CFAP95: variants seen among roughly 807,000 people sequenced by gnomAD.
The protein encoded by CFAP95 is cilia and flagella associated protein 95, also known as cilia- and flagella-associated protein 95.
At chr9:69,835,912 G>C in the CFAP95 span, among the ~76,000 whole-genome samples, 1 of 152,068 alleles carries the variant, frequency 6.6e-6, no homozygotes, top group Non-Finnish European at 1.5e-5. Context: ...AGAATCCTAC[G>C]ACCTAATCCC....
the CFAP95 span, among the ~76,000 whole-genome samples, chr9:69,832,620 A>ATTTTTTTTTTTTT: frequency 1.1e-3 from 12 of 11,348 alleles, no homozygotes; most frequent in African/African-American, 2.2e-3. Context: ...GTCTATTCGG[A>ATTTTTTTTTTTTT]TTTTTTTTTT....
At chr9:69,838,428 T>G in the CFAP95 span, among the ~76,000 whole-genome samples, 1 of 151,352 alleles carries the variant, frequency 6.6e-6, no homozygotes, top group Admixed American at 6.6e-5. Flanking sequence ...TTTGTAGTTC[T>G]CCTTGAAGAG....
the CFAP95 span, among the ~76,000 whole-genome samples, chr9:69,886,671 T>TG: frequency 1.3e-5 from 2 of 152,160 alleles, no homozygotes; most frequent in Non-Finnish European, 2.9e-5. Context: ...CTGCTGCTGG[T>TG]GGGCAATACT....
At chr9:69,825,697 A>C in the CFAP95 span, among the ~76,000 whole-genome samples, 1 of 152,222 alleles carries the variant, frequency 6.6e-6, no homozygotes, top group African/African-American at 2.4e-5. Flanking sequence ...CACTCATTGG[A>C]ATGATGAAAT....
the CFAP95 span, among the ~76,000 whole-genome samples, chr9:69,864,220 C>G: frequency 1.3e-5 from 2 of 152,072 alleles, no homozygotes; most frequent in East Asian, 1.9e-4. Context: ...ACAATTCATC[C>G]AAACATTTAT....
the CFAP95 span, among the ~76,000 whole-genome samples, chr9:69,904,702 G>A: frequency 6.6e-6 from 1 of 152,088 alleles, no homozygotes; most frequent in Non-Finnish European, 1.5e-5. Context: ...GAACATTTTG[G>A]CCAGTGATGC....
At chr9:69,899,201 C>G in the CFAP95 span, among the ~76,000 whole-genome samples, 1 of 152,232 alleles carries the variant, frequency 6.6e-6, no homozygotes, top group Non-Finnish European at 1.5e-5. Context: ...ACCTAGCCAA[C>G]AGTAACATAT....
chr9:69,886,959 A>G, the CFAP95 span: 630 of 1,292,262 alleles, frequency 4.9e-4, no homozygotes, highest in African/African-American at 8.4e-3. Context: ...TGCACCTAGT[A>G]TAGTCAAACT....
chr9:69,886,894 A>T, the CFAP95 span: 5 of 1,611,142 alleles, frequency 3.1e-6, no homozygotes, highest in South Asian at 4.4e-5. Context: ...TATCAGCCAC[A>T]TGTGAGTACA....
At chr9:69,844,429 A>C in the CFAP95 span, 2 of 756,888 alleles carry the variant, frequency 2.6e-6, no homozygotes, top group East Asian at 5.6e-5. Flanking sequence ...AAATATAGAA[A>C]ATTTTCATTG....
chr9:69,873,763 A>C, the CFAP95 span, among the ~76,000 whole-genome samples: 1 of 152,122 alleles, frequency 6.6e-6, no homozygotes, highest in Non-Finnish European at 1.5e-5. Context: ...TCTGCCCCCC[A>C]TCTAGACAAA....
At chr9:69,891,146 T>G in the CFAP95 span, among the ~76,000 whole-genome samples, 2 of 152,186 alleles carry the variant, frequency 1.3e-5, no homozygotes, top group African/African-American at 4.8e-5. Flanking sequence ...CAGAGAATTG[T>G]TTCACAATAC....
the CFAP95 span, among the ~76,000 whole-genome samples, chr9:69,888,921 A>G: frequency 1.3e-5 from 2 of 152,114 alleles, no homozygotes; most frequent in South Asian, 4.1e-4. Context: ...TTCTTTTTCT[A>G]GGAAACTTCC....
the CFAP95 span, among the ~76,000 whole-genome samples, chr9:69,826,706 G>A: frequency 0.14 from 20,579 of 152,168 alleles, 1,498 homozygotes; most frequent in East Asian, 0.28. Context: ...TTTGACGGGA[G>A]AGGGAAGAGG....
At chr9:69,837,816 T>C in the CFAP95 span, among the ~76,000 whole-genome samples, 3 of 152,238 alleles carry the variant, frequency 2.0e-5, no homozygotes, top group Non-Finnish European at 4.4e-5. Context: ...CATGCCTATG[T>C]CCTGAATGGT....
At chr9:69,883,707 A>T in the CFAP95 span, among the ~76,000 whole-genome samples, 1 of 151,798 alleles carries the variant, frequency 6.6e-6, no homozygotes, top group Non-Finnish European at 1.5e-5. Flanking sequence ...CGATCCTTTG[A>T]ATTTCTGCCC....
the CFAP95 span, among the ~76,000 whole-genome samples, chr9:69,891,202 T>C: frequency 1.3e-5 from 2 of 152,222 alleles, no homozygotes; most frequent in Non-Finnish European, 2.9e-5. Context: ...GAAGAAACTA[T>C]ATCCCTTTAA....
chr9:69,823,240 AACTC>A, the CFAP95 span, among the ~76,000 whole-genome samples: 1 of 151,352 alleles, frequency 6.6e-6, no homozygotes, highest in African/African-American at 2.5e-5. Context: ...ATCTTTTGAG[AACTC>A]ACTCACTATC....
At chr9:69,826,372 C>G in the CFAP95 span, among the ~76,000 whole-genome samples, 1 of 152,160 alleles carries the variant, frequency 6.6e-6, no homozygotes, top group Non-Finnish European at 1.5e-5. Context: ...CAGGTACTAA[C>G]CTGGAAGCAT....
Sources: allele counts gnomAD v4.1 joint callset (sites outside exome capture counted in the v4.1 genomes callset), GRCh38; gene constraint gnomAD v4.1.1; transcripts MANE v1.5; gene names NCBI Gene and HGNC (gene_info 2026-07-23, HGNC 2026-07-21).